Variants in TBL1X observed in about 807,000 individuals in gnomAD.
TBL1X encodes transducin beta like 1 X-linked.
In TBL1X, 10 loss-of-function variants were observed where a neutral mutation model predicts 50.7. That is an observed-to-expected ratio of 0.20 (90% CI 0.12 to 0.33). The LOEUF is 0.33. TBL1X is among the 10% of genes least tolerant of loss of function. The pLI is 1.00. For synonymous variants in TBL1X, 190 were observed against 214.7 expected (o/e 0.88, Z 1.01); for missense variants, 340 against 504.4 (o/e 0.67, Z 3.12).
intron 2 of TBL1X, among the ~76,000 whole-genome samples, chrX:9,559,386 T>C (rs1025422799): frequency 8.1e-5 from 9 of 111,344 alleles, no homozygotes; most frequent in Non-Finnish European, 1.7e-4. Flanking sequence ...TGTGGCTTTT[T>C]GGAGGTTGGT....
intron 2 of TBL1X, among the ~76,000 whole-genome samples, chrX:9,507,947 A>G (rs1296277290): frequency 8.9e-6 from 1 of 112,514 alleles, no homozygotes; most frequent in African/African-American, 3.2e-5. Context: ...TTAATTCAAG[A>G]TAGATTAAAG....
chrX:9,700,396 C>G (rs763142516), intron 12 of TBL1X, among the ~76,000 whole-genome samples: 40 of 111,762 alleles, frequency 3.6e-4, no homozygotes, highest in East Asian at 1.7e-3. Context: ...ATAATCTTTC[C>G]CAAAGTGTCC....
intron 2 of TBL1X, among the ~76,000 whole-genome samples, chrX:9,504,407 C>T (rs2082016247): frequency 8.9e-6 from 1 of 112,099 alleles, no homozygotes; most frequent in South Asian, 3.7e-4. Context: ...CAAATGATTA[C>T]AACATCTCTC....
chrX:9,670,142 A>G (rs1357047894), intron 5 of TBL1X, among the ~76,000 whole-genome samples: 1 of 111,814 alleles, frequency 8.9e-6, no homozygotes, highest in Non-Finnish European at 1.9e-5. Flanking sequence ...TTATGCCGGC[A>G]GTCAAGATTT....
chrX:9,495,047 C>T (rs1418509528), intron 1 of TBL1X, among the ~76,000 whole-genome samples: 5 of 111,426 alleles, frequency 4.5e-5, no homozygotes, highest in African/African-American at 6.5e-5. Context: ...CTGTTGGGCC[C>T]TCGTGTGTGG....
intron 2 of TBL1X, among the ~76,000 whole-genome samples, chrX:9,632,282 G>A (rs764029117): frequency 9.0e-6 from 1 of 111,007 alleles, no homozygotes; most frequent in African/African-American, 3.3e-5. Context: ...ATGCGTTTTT[G>A]GTTTTTGTGG....
chrX:9,536,249 T>C (rs1178318639), intron 2 of TBL1X, among the ~76,000 whole-genome samples: 3 of 98,148 alleles, frequency 3.1e-5, no homozygotes, highest in Non-Finnish European at 6.1e-5. Context: ...AGCATCAGAA[T>C]TGAGCATTTT....
chrX:9,688,549 C>T (rs1354562186), intron 7 of TBL1X, among the ~76,000 whole-genome samples: 4 of 112,363 alleles, frequency 3.6e-5, no homozygotes, highest in Non-Finnish European at 7.5e-5. Context: ...GATTATTGCC[C>T]GTGATAAACA....
chrX:9,558,049 A>G (rs1260616511), intron 2 of TBL1X, among the ~76,000 whole-genome samples: 1 of 112,665 alleles, frequency 8.9e-6, no homozygotes, highest in Non-Finnish European at 1.9e-5. Flanking sequence ...AGTATTTTGC[A>G]AATGTCTATG....
intron 2 of TBL1X, among the ~76,000 whole-genome samples, chrX:9,620,320 C>T (rs1481798447): frequency 8.9e-6 from 1 of 112,566 alleles, no homozygotes; most frequent in African/African-American, 3.2e-5. Context: ...TCCGGGAACT[C>T]ATACTTACCA....
At chrX:9,648,034 GCCATATAACTGAC>G (rs1199944553) in intron 3 of TBL1X, among the ~76,000 whole-genome samples, 3 of 111,417 alleles carry the variant, frequency 2.7e-5, no homozygotes, top group Non-Finnish European at 5.7e-5. Flanking sequence ...TAAGGAAACA[GCCATATAACTGAC>G]CCTCCAATCC....
intron 2 of TBL1X, among the ~76,000 whole-genome samples, chrX:9,552,968 C>A (rs1433055053): frequency 1.8e-5 from 2 of 110,956 alleles, no homozygotes; most frequent in East Asian, 2.8e-4. Flanking sequence ...CAGAGAGAGA[C>A]CCTGTCTCTA....
chrX:9,654,944 T>C (rs1388675479), intron 5 of TBL1X, among the ~76,000 whole-genome samples: 1 of 110,873 alleles, frequency 9.0e-6, no homozygotes, highest in Non-Finnish European at 1.9e-5. Flanking sequence ...TTAGAAGATA[T>C]GTAATTTAAG....
intron 2 of TBL1X, among the ~76,000 whole-genome samples, chrX:9,574,062 G>T (rs1010045365): frequency 7.2e-5 from 8 of 111,381 alleles, no homozygotes; most frequent in African/African-American, 2.6e-4. Flanking sequence ...GGGTAGAGTG[G>T]CTGTGTGGGG....
Position 9,693,228 on chromosome X carries a change from C to G in TBL1X, c.955+16C>G. The G allele has an allele frequency of 8.3e-7, 1 of 1,211,402 alleles. No homozygotes were observed. The highest frequency in any genetic ancestry group is 1.8e-5 in the South Asian group (1 of 56,958). ...ACGGAAGATGGTGAGTTCTGTGTCCCTCGTGCTGGGGTCGGGTAAGAGGAG... is the reference window on the plus strand; with the variant it reads ...ACGGAAGATGGTGAGTTCTGTGTCCGTCGTGCTGGGGTCGGGTAAGAGGAG... On this transcript the variant is annotated intron_variant, in intron 10 of 17. Transcript: ENST00000645353.
At chrX:9,567,900 G>A (rs980715928) in intron 2 of TBL1X, among the ~76,000 whole-genome samples, 5 of 112,173 alleles carry the variant, frequency 4.5e-5, no homozygotes, top group Non-Finnish European at 7.5e-5. Context: ...GGACAAGGAC[G>A]CGCAGAGATG....
chrX:9,576,119 TC>T (rs933427904), intron 2 of TBL1X, among the ~76,000 whole-genome samples: 55 of 111,022 alleles, frequency 5.0e-4, no homozygotes, highest in East Asian at 3.1e-3. Context: ...GTTTTGATAT[TC>T]CCCCCCCTCC....
intron 5 of TBL1X, among the ~76,000 whole-genome samples, chrX:9,658,723 C>A (rs888946302): frequency 9.0e-6 from 1 of 111,722 alleles, no homozygotes; most frequent in Non-Finnish European, 1.9e-5. Context: ...CAGATTCAAA[C>A]TGAATTTAAC....
chrX:9,719,414 T>G lies in TBL1X; in HGVS notation c.*3168T>G, dbSNP rs1291482341. On this transcript the variant is annotated 3_prime_UTR_variant, in exon 18 of 18. Coordinates refer to ENST00000645353, the MANE Select transcript of TBL1X (RefSeq NM_005647.4). ...GTTTTTTAACCTTTTGTTCCGCCAT[T>G]TAAAAAAAGAAAAAAAAAAAGCTTA... The G allele has an allele frequency of 2.7e-5, 3 of 110,635 alleles. No individual in the cohort carries two copies. In the East Asian group the frequency reaches 8.4e-4, roughly 31 times the overall value. The allele number at this position is 110,635 out of a possible 1,213,427, so 9.1% of individuals were successfully genotyped here.
Sources: gnomAD v4.1 joint callset for allele counts (sites outside exome capture counted in the v4.1 genomes callset) on GRCh38, gnomAD v4.1.1 for gene constraint, MANE v1.5 for transcripts, NCBI Gene and HGNC (gene_info 2026-07-23, HGNC 2026-07-21) for gene names.